Variants in NAALADL2 observed in about 807,000 individuals in gnomAD.
NAALADL2 encodes the protein inactive N-acetylated-alpha-linked acidic dipeptidase-like protein 2.
Under a neutral mutation model 87.2 loss-of-function variants are expected in NAALADL2, and 76 were observed. The observed-to-expected ratio is 0.87, with a 90% CI of 0.72 to 1.05. The LOEUF is 1.05. Ranked by LOEUF, NAALADL2 falls within the 50% of genes least tolerant of loss-of-function variation. The pLI is 0.00. For missense variants in NAALADL2, 1,089 were observed against 945.8 expected, an observed-to-expected ratio of 1.15 and a Z score of -1.99; for synonymous variants, 354 against 331.0, an observed-to-expected ratio of 1.07 and a Z score of -0.75.
intron 1 of NAALADL2, among the ~76,000 whole-genome samples, chr3:174,921,347 A>AT (rs552388216): frequency 9.1e-4 from 139 of 152,232 alleles, no homozygotes; most frequent in African/African-American, 3.1e-3. Flanking sequence ...CTTAAATACA[A>AT]TTTTTTTGTT....
chr3:174,628,248 C>T (rs545102551), intron 2 of NAALADL2, among the ~76,000 whole-genome samples: 8 of 151,958 alleles, frequency 5.3e-5, no homozygotes, highest in Non-Finnish European at 1.0e-4. Flanking sequence ...GAGACCGAGG[C>T]GGGCGAATCA....
intron 13 of NAALADL2, among the ~76,000 whole-genome samples, chr3:175,777,392 ATTAAG>A (rs1442572243): frequency 1.3e-4 from 20 of 152,078 alleles, no homozygotes; most frequent in African/African-American, 4.6e-4. Flanking sequence ...TACCTATGAC[ATTAAG>A]TTATTTTGAG....
At chr3:175,256,628 T>C (rs1022977074) in intron 4 of NAALADL2, 98 bp downstream of exon 4, 1 of 1,178,540 alleles carries the variant, frequency 8.5e-7, no homozygotes, top group Admixed American at 2.9e-5. Context: ...TGTGTGCATA[T>C]AGGTGTGTGA....
chr3:175,371,307 G>T (rs113922923), intron 5 of NAALADL2, among the ~76,000 whole-genome samples: 2,147 of 151,762 alleles, frequency 0.014, 29 homozygotes, highest in Non-Finnish European at 0.021. Context: ...TCGCTCTTTC[G>T]CCCAGGCCGG....
chr3:175,235,490 A>AGGTAATAAT (rs2109511200), intron 3 of NAALADL2: 1 of 152,340 alleles, frequency 6.6e-6, no homozygotes, highest in African/African-American at 2.4e-5. Flanking sequence ...TCTTTCTGGC[A>AGGTAATAAT]GGTAATAATG....
At chr3:175,605,575 A>G (rs1315197507) in intron 10 of NAALADL2, among the ~76,000 whole-genome samples, 2 of 149,038 alleles carry the variant, frequency 1.3e-5, no homozygotes, top group East Asian at 4.0e-4. Flanking sequence ...CATATGTTTT[A>G]CTCTTCCTCC....
chr3:174,498,759 G>A (rs1179684425), intron 1 of NAALADL2, among the ~76,000 whole-genome samples: 2 of 151,752 alleles, frequency 1.3e-5, no homozygotes, highest in African/African-American at 4.8e-5. Flanking sequence ...ACTTCCTATG[G>A]TGTGGTTATA....
At chr3:174,993,896 C>T (rs185160840) in intron 1 of NAALADL2, among the ~76,000 whole-genome samples, 41 of 152,240 alleles carry the variant, frequency 2.7e-4, no homozygotes, top group South Asian at 6.2e-4. Flanking sequence ...ACCTGCAATC[C>T]GTGGCATTCC....
At chr3:174,629,354 A>T (rs1197942181) in intron 2 of NAALADL2, among the ~76,000 whole-genome samples, 1 of 152,228 alleles carries the variant, frequency 6.6e-6, no homozygotes, top group Non-Finnish European at 1.5e-5. Context: ...TTTCAAAAAC[A>T]GCACCTGTGT....
chr3:175,452,249 T>G (rs1263850711), intron 6 of NAALADL2, among the ~76,000 whole-genome samples: 1 of 150,998 alleles, frequency 6.6e-6, no homozygotes, highest in Non-Finnish European at 1.5e-5. Flanking sequence ...CTCTCTCTCT[T>G]GCTATGTCTT....
At chr3:174,554,859 C>T (rs1419381683) in intron 2 of NAALADL2, among the ~76,000 whole-genome samples, 1 of 152,166 alleles carries the variant, frequency 6.6e-6, no homozygotes, top group Admixed American at 6.5e-5. Context: ...GAAATTTTTA[C>T]TCACAGTTCT....
rs143758922 is a variant in NAALADL2 at position 174,871,104 on chromosome 3, T to C, written c.43+11654T>C. Among the ~76,000 whole-genome samples the C allele has an allele frequency of 2.5e-4, 38 of 152,330 alleles. No individual in the cohort carries two copies. In the East Asian group the frequency reaches 6.6e-3, roughly 26 times the overall value. ...GACCATTAACCTTCAGTTTGAAGTT[T>C]TAGGTGACCAAAAACTAGTATAAAG... On this transcript the variant is annotated intron_variant, in intron 1 of 13. Coordinates refer to ENST00000454872, the MANE Select transcript of NAALADL2 (RefSeq NM_207015.3).
rs924369256 is a variant in NAALADL2 at position 174,536,001 on chromosome 3, C to G, written c.-183-14568C>G. ...TTTGTAGTTGCTCATATTACAAAGA[C>G]TAATGAAATTTTACCTTGCCAACAA... On this transcript the variant is annotated intron_variant, in intron 1 of 3. Transcript: ENST00000434257. 3.3e-5 allele frequency among the ~76,000 whole-genome samples: 5 copies of G among 152,094 alleles called. No homozygotes were observed. The South Asian group carries it at 1.0e-3, about 32-fold the overall frequency.
At chr3:175,533,773 T>C (rs2149450014) in intron 9 of NAALADL2, among the ~76,000 whole-genome samples, 1 of 152,284 alleles carries the variant, frequency 6.6e-6, no homozygotes, top group South Asian at 2.1e-4. Flanking sequence ...ATTTCAGCTT[T>C]TTCTGTACAG....
At chr3:175,358,893 G>C (rs570790220) in intron 5 of NAALADL2, among the ~76,000 whole-genome samples, 1 of 152,080 alleles carries the variant, frequency 6.6e-6, no homozygotes, top group Non-Finnish European at 1.5e-5. Flanking sequence ...CTGGGAAACT[G>C]GTCCTGGGAG....
chr3:175,213,545 A>G (rs1742072265), intron 2 of NAALADL2, among the ~76,000 whole-genome samples: 1 of 152,136 alleles, frequency 6.6e-6, no homozygotes, highest in Non-Finnish European at 1.5e-5. Flanking sequence ...TACACAGGAC[A>G]TATATCTGCT....
At chr3:175,254,945 G>A (rs536346959) in intron 3 of NAALADL2, among the ~76,000 whole-genome samples, 2 of 152,158 alleles carry the variant, frequency 1.3e-5, no homozygotes, top group Non-Finnish European at 2.9e-5. Context: ...TATTGTATGA[G>A]CTATAATCAT....
intron 1 of NAALADL2, among the ~76,000 whole-genome samples, chr3:175,076,203 A>T (rs148405921): frequency 6.6e-6 from 1 of 152,112 alleles, no homozygotes; most frequent in Non-Finnish European, 1.5e-5. Context: ...ACTCCATCCC[A>T]GGTGACAGGT....
chr3:174,933,066 G>A (rs1349807523), intron 1 of NAALADL2, among the ~76,000 whole-genome samples: 3 of 152,168 alleles, frequency 2.0e-5, no homozygotes, highest in African/African-American at 4.8e-5. Flanking sequence ...GCAGTGAACC[G>A]AGATTGTGCC....
Sources: gnomAD v4.1 joint callset for allele counts (sites outside exome capture counted in the v4.1 genomes callset) on GRCh38, gnomAD v4.1.1 for gene constraint, MANE v1.5 for transcripts, NCBI Gene and HGNC (gene_info 2026-07-23, HGNC 2026-07-21) for gene names.